The following PRKD1 variants were observed in gnomAD, a reference collection of about 807,000 sequenced individuals.
PRKD1 encodes the protein serine/threonine-protein kinase D1.
A neutral mutation model predicts 95.9 loss-of-function variants in PRKD1; 63 were observed. The observed-to-expected ratio is 0.66, with a 90% confidence interval of 0.54 to 0.81. The LOEUF is 0.81. Among genes scored for constraint, PRKD1 ranks in the 30% least tolerant of loss-of-function variants. The probability of loss-of-function intolerance (pLI) is 0.00; values close to 1 mark genes in which losing one functional copy is unlikely to be tolerated. For synonymous variants in PRKD1, 425 were observed against 423.1 expected (o/e 1.00, Z -0.05); for missense variants, 1,048 against 1,165.3 (o/e 0.90, Z 1.47).
At chr14:29,876,570 A>G (rs1267763712) in intron 1 of PRKD1, among the ~76,000 whole-genome samples, 2 of 152,154 alleles carry the variant, frequency 1.3e-5, no homozygotes, top group Non-Finnish European at 2.9e-5. Context: ...CTTCATCAAA[A>G]TTTAAATTTC....
intron 4 of PRKD1, among the ~76,000 whole-genome samples, chr14:29,659,731 A>G (rs1882087673): frequency 6.6e-6 from 1 of 152,136 alleles, no homozygotes; most frequent in Non-Finnish European, 1.5e-5. Flanking sequence ...TGTTAAGCAC[A>G]TTTTCATGTT....
intron 1 of PRKD1, among the ~76,000 whole-genome samples, chr14:29,730,139 A>G (rs1342762567): frequency 2.0e-5 from 3 of 152,108 alleles, no homozygotes; most frequent in East Asian, 3.8e-4. Context: ...AAATAATCCA[A>G]TTAAGAAATA....
intron 6 of PRKD1, 63 bp downstream of exon 6, chr14:29,638,426 A>C (rs1372940545): frequency 1.3e-6 from 2 of 1,575,186 alleles, no homozygotes; most frequent in Non-Finnish European, 1.7e-6. Context: ...CCTGACTAAA[A>C]TTACATCACC....
At chr14:29,917,946 T>C (rs1894948772) in intron 1 of PRKD1, among the ~76,000 whole-genome samples, 1 of 152,188 alleles carries the variant, frequency 6.6e-6, no homozygotes, top group African/African-American at 2.4e-5. Context: ...TTTTAACTTT[T>C]ATTTTAGTTT....
chr14:29,663,841 T>C lies in PRKD1; in HGVS notation c.554A>G (p.His185Arg), dbSNP rs765126230. The C allele has an allele frequency of 1.2e-6, 2 of 1,613,816 alleles. No homozygotes were observed. The highest frequency in any genetic ancestry group is 1.3e-5 in the African/African-American group (1 of 74,902). The change falls in exon 4 of 18, where the codon CAT becomes CGT. Residue 185 changes from histidine to arginine, a missense_variant. Physicochemically the swap from His to Arg is conservative, Grantham distance 29 (BLOSUM62 0). Around this residue, in one of 3 missense-constraint regions of PRKD1, gnomAD observed 275 missense variants for 248.6 expected, o/e 1.11. Transcript: ENST00000331968. ...GGGTATTTTAAATGCACATCTCTTATGGTAATTCAGACCACACCCTGGAAA... is the reference window on the plus strand; with the variant it reads ...GGGTATTTTAAATGCACATCTCTTACGGTAATTCAGACCACACCCTGGAAA... ...LKCEGCGLNY[H>R]KRCAFKIPNN...
chr14:29,891,506 A>G (rs73243906), intron 1 of PRKD1, among the ~76,000 whole-genome samples: 16,493 of 152,066 alleles, frequency 0.11, 1,683 homozygotes, highest in African/African-American at 0.26. Flanking sequence ...TCATATTACA[A>G]ATAAACCTTT....
rs141897527 is a variant in PRKD1, at chr14:29,922,111, A to C, written c.264+5138T>G. Reference sequence around the variant, plus strand: ...GGTCAGGAGATCGAGACCATCCTGGATAACACGGTGAAACCCCATCTCTAC... The same window carrying C: ...GGTCAGGAGATCGAGACCATCCTGGCTAACACGGTGAAACCCCATCTCTAC... On this transcript the variant is annotated intron_variant, in intron 1 of 17. Coordinates refer to ENST00000331968, the MANE Select transcript of PRKD1 (RefSeq NM_002742.3). Among the ~76,000 whole-genome samples, 1,083 of 152,108 alleles carry C rather than the reference A, an allele frequency of 7.1e-3. 8 individuals are homozygous for C. The highest frequency in any genetic ancestry group is 0.013 in the African/African-American group (542 of 41,512).
chr14:29,617,931 C>T (rs1394955462), intron 13 of PRKD1, among the ~76,000 whole-genome samples: 1 of 151,454 alleles, frequency 6.6e-6, no homozygotes, highest in Non-Finnish European at 1.5e-5. Context: ...GTTAGCCAAG[C>T]TTGGTGGGGC....
At chr14:29,740,350 A>G (rs1401623189) in intron 1 of PRKD1, among the ~76,000 whole-genome samples, 6 of 152,208 alleles carry the variant, frequency 3.9e-5, no homozygotes, top group Admixed American at 1.3e-4. Flanking sequence ...GACAGCAACT[A>G]AAAAAGTTTA....
intron 1 of PRKD1, among the ~76,000 whole-genome samples, chr14:29,903,587 A>C (rs1894395879): frequency 6.6e-6 from 1 of 152,204 alleles, no homozygotes; most frequent in African/African-American, 2.4e-5. Flanking sequence ...CCTGACAGGG[A>C]GAGTACTATT....
rs996818251 is a variant in PRKD1, at chr14:29,729,934, T to C, written c.265-4260A>G. On this transcript the variant is annotated intron_variant, in intron 1 of 17. Coordinates refer to ENST00000331968, the MANE Select transcript of PRKD1 (RefSeq NM_002742.3). ...AAAGATAAGACCTAAAACTATAAAA[T>C]TACTAGAAGATGTGGAGACAACTCC... Among the ~76,000 whole-genome samples the C allele has an allele frequency of 3.9e-5, 6 of 152,102 alleles. 1 individual carries two copies. Among genetic ancestry groups the C allele is most frequent in the Middle Eastern group, 3.4e-3 (1 of 294 alleles).
chr14:29,655,530 A>G (rs1881782626), intron 4 of PRKD1, among the ~76,000 whole-genome samples: 1 of 152,212 alleles, frequency 6.6e-6, no homozygotes, highest in African/African-American at 2.4e-5. Context: ...GTCAACTCTC[A>G]ATTGACCAAG....
chr14:29,642,711 C>T (rs1240360588), intron 4 of PRKD1, among the ~76,000 whole-genome samples: 1 of 152,074 alleles, frequency 6.6e-6, no homozygotes, highest in Non-Finnish European at 1.5e-5. Context: ...TTACAATGTG[C>T]ACAGTACTTT....
At chr14:29,741,151 C>T (rs570613576) in intron 1 of PRKD1, among the ~76,000 whole-genome samples, 3 of 152,126 alleles carry the variant, frequency 2.0e-5, no homozygotes, top group African/African-American at 4.8e-5. Context: ...AAAAAAATAA[C>T]GATTAGGTAC....
chr14:29,585,635 T>C (rs1330726545), intron 16 of PRKD1, among the ~76,000 whole-genome samples: 2 of 152,244 alleles, frequency 1.3e-5, no homozygotes, highest in Admixed American at 1.3e-4. Flanking sequence ...GCATATGGTT[T>C]GTATATTTTG....
intron 16 of PRKD1, among the ~76,000 whole-genome samples, chr14:29,589,173 T>G (rs138990231): frequency 3.4e-4 from 52 of 152,342 alleles, no homozygotes; most frequent in African/African-American, 1.3e-3. Context: ...TGTATATTTC[T>G]AATTGAACAC....
intron 1 of PRKD1, among the ~76,000 whole-genome samples, chr14:29,856,604 A>G (rs191499578): frequency 2.0e-5 from 3 of 152,328 alleles, no homozygotes; most frequent in Non-Finnish European, 4.4e-5. Flanking sequence ...CAATCAATGT[A>G]TCGTGAGTTC....
At chr14:29,793,520 T>A (rs1172159673) in intron 1 of PRKD1, among the ~76,000 whole-genome samples, 2 of 152,164 alleles carry the variant, frequency 1.3e-5, no homozygotes, top group East Asian at 3.8e-4. Flanking sequence ...ATGTGTGTTC[T>A]GTGGGAAGAG....
intron 1 of PRKD1, among the ~76,000 whole-genome samples, chr14:29,800,552 C>T (rs1378749454): frequency 6.6e-6 from 1 of 152,184 alleles, no homozygotes. Context: ...CTCTGCTTTT[C>T]AGTGTCTTCA....
Sources: gnomAD v4.1 joint callset for allele counts (sites outside exome capture counted in the v4.1 genomes callset) on GRCh38, gnomAD v4.1.1 for gene constraint, gnomAD v4.1.1 regional missense constraint, MANE v1.5 for transcripts, NCBI Gene and HGNC (gene_info 2026-07-23, HGNC 2026-07-21) for gene names.